The following MSH3 variants were observed in gnomAD, a reference collection of about 807,000 sequenced individuals.
MSH3 encodes the protein mutS homolog 3.
MSH3 carries 106 observed loss-of-function variants against 123.3 expected under a neutral mutation model. The observed-to-expected ratio is 0.86, with a 90% CI of 0.73 to 1.01. The LOEUF (loss-of-function observed/expected upper bound fraction) is 1.01. Among genes scored for constraint, MSH3 ranks in the 50% least tolerant of loss-of-function variants. The pLI is 0.00. For synonymous variants in MSH3, 515 were observed against 481.4 expected (o/e 1.07, Z -0.91); for missense variants, 1,459 against 1,347.6 (o/e 1.08, Z -1.29).
chr5:80,747,809 G>A (rs1450754495), intron 12 of MSH3, among the ~76,000 whole-genome samples: 5 of 152,186 alleles, frequency 3.3e-5, no homozygotes, highest in Non-Finnish European at 5.9e-5. Context: ...GGGTTTTAGC[G>A]TAGGAGCAGT....
chr5:80,667,644 C>T (rs1650660), intron 3 of MSH3, among the ~76,000 whole-genome samples: 18,571 of 152,238 alleles, frequency 0.12, 1,298 homozygotes, highest in Middle Eastern at 0.19. Flanking sequence ...GGCATGCTGG[C>T]TTCGGCAGGG....
At chr5:80,682,276 T>C (rs1462423864) in intron 8 of MSH3, among the ~76,000 whole-genome samples, 1 of 152,212 alleles carries the variant, frequency 6.6e-6, no homozygotes, top group African/African-American at 2.4e-5. Flanking sequence ...TGTATTGTCC[T>C]TCAGTGTCCT....
chr5:80,784,752 T>A (rs1744473979), intron 17 of MSH3, among the ~76,000 whole-genome samples: 1 of 152,200 alleles, frequency 6.6e-6, no homozygotes, highest in African/African-American at 2.4e-5. Flanking sequence ...CCTGTCCGTT[T>A]TGTGTTTGTG....
chr5:80,661,574 C>G (rs959769168), intron 2 of MSH3, among the ~76,000 whole-genome samples: 1 of 81,570 alleles, frequency 1.2e-5, no homozygotes, highest in Non-Finnish European at 2.8e-5. Flanking sequence ...TTTTGCTCCT[C>G]TTTTTGCTCA....
intron 20 of MSH3, among the ~76,000 whole-genome samples, chr5:80,819,328 A>G (rs2112062899): frequency 6.6e-6 from 1 of 151,272 alleles, no homozygotes; most frequent in African/African-American, 2.4e-5. Flanking sequence ...CCAGTTCCCC[A>G]TATATGTGTG....
At chr5:80,733,021 T>C (rs1323214195) in intron 10 of MSH3, among the ~76,000 whole-genome samples, 2 of 152,174 alleles carry the variant, frequency 1.3e-5, no homozygotes, top group Non-Finnish European at 1.5e-5. Flanking sequence ...ATTGACAAGC[T>C]GATCCTAAAA....
chr5:80,749,547 C>G (rs972358860), intron 12 of MSH3, among the ~76,000 whole-genome samples: 2 of 152,180 alleles, frequency 1.3e-5, no homozygotes, highest in African/African-American at 4.8e-5. Flanking sequence ...CTCACAGATA[C>G]ACCCAGGAAC....
intron 20 of MSH3, among the ~76,000 whole-genome samples, chr5:80,828,418 A>G (rs942349893): frequency 5.1e-4 from 77 of 152,184 alleles, no homozygotes; most frequent in African/African-American, 1.8e-3. Context: ...ATACTGTTAC[A>G]TTGGGAATTC....
chr5:80,835,403 G>C lies in MSH3; in HGVS notation c.2814-18727G>C, dbSNP rs534869858. On this transcript the variant is annotated intron_variant, in intron 20 of 23. Transcript: ENST00000265081. ...AAGCGAGGCAGGCTGGAGAATGGGCGATCTGTTAGTCTTGCCAGAGAGGAA... is the reference window on the plus strand; with the variant it reads ...AAGCGAGGCAGGCTGGAGAATGGGCCATCTGTTAGTCTTGCCAGAGAGGAA... Among the ~76,000 whole-genome samples the C allele has an allele frequency of 6.6e-5, 10 of 152,252 alleles. No homozygotes were observed. The South Asian group carries it at 2.1e-3, about 32-fold the overall frequency.
At chr5:80,743,200 T>A (rs1010429702) in intron 11 of MSH3, among the ~76,000 whole-genome samples, 3 of 152,098 alleles carry the variant, frequency 2.0e-5, no homozygotes, top group Non-Finnish European at 2.9e-5. Flanking sequence ...TGTCAGGGAA[T>A]TGGCCTCCTC....
At chr5:80,670,947 G>C (rs6151633) in intron 4 of MSH3, among the ~76,000 whole-genome samples, 42,093 of 151,630 alleles carry the variant, frequency 0.28, 6,076 homozygotes, top group Middle Eastern at 0.35. Context: ...TGGTGAAACC[G>C]CATCTCTACT....
At chr5:80,743,213 G>A (rs992007440) in intron 11 of MSH3, among the ~76,000 whole-genome samples, 1 of 152,002 alleles carries the variant, frequency 6.6e-6, no homozygotes, top group Non-Finnish European at 1.5e-5. Flanking sequence ...GCCTCCTCAC[G>A]GGACCCTTTA....
rs188722107 is a variant in MSH3, at chr5:80,714,297, G to A, written c.1341-11156G>A. Among the ~76,000 whole-genome samples the A allele has an allele frequency of 3.9e-3, 588 of 151,656 alleles. 5 individuals carry two copies. Among genetic ancestry groups the A allele is most frequent in the African/African-American group, 0.013 (549 of 41,332 alleles). ...ATTATAGGTGCCCACCATCACACTC[G>A]GCTCATTTTTGTATTTTTAGTAGAG... On this transcript the variant is annotated intron_variant, in intron 8 of 23. Transcript: ENST00000265081.
intron 13 of MSH3, among the ~76,000 whole-genome samples, chr5:80,766,409 G>A (rs542814475): frequency 6.6e-4 from 88 of 133,868 alleles, no homozygotes; most frequent in African/African-American, 2.5e-3. Flanking sequence ...GCAGTGGCAC[G>A]ATCTCGGCTC....
At chr5:80,692,820 T>C (rs1750341023) in intron 8 of MSH3, among the ~76,000 whole-genome samples, 1 of 132,580 alleles carries the variant, frequency 7.5e-6, no homozygotes, top group South Asian at 2.5e-4. Context: ...TAGATAAATA[T>C]ACATACACAT....
intron 8 of MSH3, among the ~76,000 whole-genome samples, chr5:80,709,483 G>A (rs1343130144): frequency 1.3e-5 from 2 of 151,902 alleles, no homozygotes; most frequent in East Asian, 3.9e-4. Flanking sequence ...TTAGCCTAGC[G>A]CAGTGGCGGG....
rs137940176 is a variant in MSH3 at position 80,866,184 on chromosome 5, G to A, written c.3130+1242G>A. On this transcript the variant is annotated intron_variant, in intron 22 of 23. Coordinates refer to ENST00000265081, the MANE Select transcript of MSH3 (RefSeq NM_002439.5). ...GAGATGGGGTGTCACTGTCATCCAGGCTGGAGTGCAGTGGCACGATCATAG... is the reference window on the plus strand; with the variant it reads ...GAGATGGGGTGTCACTGTCATCCAGACTGGAGTGCAGTGGCACGATCATAG... Among the ~76,000 whole-genome samples the A allele has an allele frequency of 2.0e-3, 308 of 152,252 alleles. 1 individual carries two copies. Among genetic ancestry groups the A allele is most frequent in the African/African-American group, 7.2e-3 (298 of 41,548 alleles).
intron 12 of MSH3, among the ~76,000 whole-genome samples, chr5:80,753,547 A>G (rs1043801314): frequency 2.6e-5 from 4 of 152,242 alleles, no homozygotes; most frequent in Admixed American, 6.5e-5. Flanking sequence ...AGGAATCTCA[A>G]CCTCACGTTC....
chr5:80,718,693 A>G (rs1305916784), intron 8 of MSH3, among the ~76,000 whole-genome samples: 7 of 149,594 alleles, frequency 4.7e-5, no homozygotes, highest in African/African-American at 1.5e-4. Context: ...TGTAGATTCT[A>G]TTTTTTCATT....
Sources: gnomAD v4.1 joint callset for allele counts (sites outside exome capture counted in the v4.1 genomes callset) on GRCh38, gnomAD v4.1.1 for gene constraint, MANE v1.5 for transcripts, NCBI Gene and HGNC (gene_info 2026-07-23, HGNC 2026-07-21) for gene names.